SNTG1: variants seen among roughly 807,000 people sequenced by gnomAD.
SNTG1 encodes the protein gamma-1-syntrophin.
Under a neutral mutation model 74.7 loss-of-function variants are expected in SNTG1, and 39 were observed. The observed-to-expected ratio is 0.52, with a 90% CI of 0.40 to 0.68. SNTG1 has a LOEUF of 0.68. Ranked by LOEUF, SNTG1 falls within the 30% of genes least tolerant of loss-of-function variation. The pLI, the probability that SNTG1 is intolerant of heterozygous loss-of-function variation, is 0.00. For missense variants in SNTG1, 685 were observed against 609.5 expected (o/e 1.12, Z -1.30); for synonymous variants, 254 against 217.1 (o/e 1.17, Z -1.49).
intron 17 of SNTG1, among the ~76,000 whole-genome samples, chr8:50,715,275 C>T (rs2095472310): frequency 1.3e-5 from 2 of 152,148 alleles, no homozygotes; most frequent in Non-Finnish European, 2.9e-5. Context: ...AAATTTGACT[C>T]TTAAACATGG....
rs141902096 is a variant in SNTG1, at chr8:50,453,401, CTTGCTGGA to C, written c.363+2673_363+2680del. On this transcript the variant is annotated intron_variant, in intron 8 of 18. Coordinates refer to ENST00000642720, the MANE Select transcript of SNTG1 (RefSeq NM_018967.5). The stretch of plus-strand genomic sequence containing the variant: ...GCTTCACCACATCACCCACTGTATT[CTTGCTGGA>C]AGATTGTTAAGGAAGAGAAGCTCAC... Among the ~76,000 whole-genome samples, 1,267 of 152,218 alleles carry C rather than the reference CTTGCTGGA, an allele frequency of 8.3e-3. 18 individuals are homozygous for C. Among genetic ancestry groups the C allele is most frequent in the African/African-American group, 0.029 (1,206 of 41,524 alleles).
At chr8:50,471,321 T>C (rs2093652883) in intron 8 of SNTG1, among the ~76,000 whole-genome samples, 2 of 152,086 alleles carry the variant, frequency 1.3e-5, no homozygotes, top group Non-Finnish European at 2.9e-5. Context: ...TATGAGCTAA[T>C]ACCTTTGCGA....
At chr8:50,136,979 T>C (rs1432791335) in intron 1 of SNTG1, among the ~76,000 whole-genome samples, 1 of 151,980 alleles carries the variant, frequency 6.6e-6, no homozygotes, top group Non-Finnish European at 1.5e-5. Context: ...CCTAAAGCAT[T>C]TGTGGCCCTG....
chr8:50,526,661 A>T lies in SNTG1; in HGVS notation c.467-3516A>T, dbSNP rs74603705. 8.1e-3 allele frequency among the ~76,000 whole-genome samples: 515 copies of T among 63,720 alleles called. 2 individuals carry two copies. The highest frequency in any genetic ancestry group is 0.029 in the African/African-American group (371 of 12,722). 41.8% of individuals were successfully genotyped at this position (63,720 alleles called of 152,430 possible). A position where few individuals can be genotyped will look rare whatever the true frequency, so the allele number is the denominator to read the frequency against. ...TATATACACGCATATATATATATAT[A>T]TTTTTTTGAGATGGAGTCTCCCCCT... On this transcript the variant is annotated intron_variant, in intron 9 of 18. Coordinates refer to ENST00000642720, the MANE Select transcript of SNTG1 (RefSeq NM_018967.5).
At chr8:50,691,767 C>T (rs2095380864) in intron 15 of SNTG1, among the ~76,000 whole-genome samples, 1 of 152,124 alleles carries the variant, frequency 6.6e-6, no homozygotes, top group African/African-American at 2.4e-5. Context: ...GTTACATTCT[C>T]TGTATTTCCT....
chr8:49,995,198 A>T (rs986608166), intron 1 of SNTG1, among the ~76,000 whole-genome samples: 1 of 152,192 alleles, frequency 6.6e-6, no homozygotes, highest in Non-Finnish European at 1.5e-5. Context: ...TTCAACATTA[A>T]GATTGGCAAG....
rs145109370 is a variant in SNTG1 at position 50,739,618 on chromosome 8, T to A, written c.1285-12383T>A. On this transcript the variant is annotated intron_variant, in intron 17 of 18. Coordinates refer to ENST00000642720, the MANE Select transcript of SNTG1 (RefSeq NM_018967.5). ...TAGCATTACGAGAAAACAACATAGA[T>A]AATGGATTGTTGGGTGCAGCAAACC... Among the ~76,000 whole-genome samples the A allele has an allele frequency of 2.2e-3, 333 of 151,974 alleles. 2 individuals carry two copies. Among genetic ancestry groups the A allele is most frequent in the African/African-American group, 7.6e-3 (316 of 41,462 alleles).
intron 17 of SNTG1, among the ~76,000 whole-genome samples, chr8:50,715,166 C>T (rs936437790): frequency 3.9e-5 from 6 of 152,146 alleles, no homozygotes; most frequent in African/African-American, 1.4e-4. Context: ...TTTACTCCTC[C>T]TGCTGCAACT....
chr8:50,320,584 T>C (rs1259217745), intron 2 of SNTG1, among the ~76,000 whole-genome samples: 1 of 152,014 alleles, frequency 6.6e-6, no homozygotes, highest in Admixed American at 6.6e-5. Flanking sequence ...ACATTTCTAG[T>C]TCTTTAGGAT....
rs1036621093 is a variant in SNTG1 at position 50,438,593 on chromosome 8, C to T, written c.213C>T (p.Ser71=). The change falls in exon 5 of 19, where the codon AGC becomes AGT. Residue 71 remains serine (S), a synonymous_variant. Transcript: ENST00000642720. Reference sequence around the variant, plus strand: ...AAACAGTAGGAGGATTTGGATTAAGCATAAAGGTAGCCTGCCTTTCTAGTC... The same window carrying T: ...AAACAGTAGGAGGATTTGGATTAAGTATAAAGGTAGCCTGCCTTTCTAGTC... The part of the protein sequence containing the change: ...RRQTVGGFGL[S]IKGGAEHNIP... 2 of 1,612,858 alleles carry T rather than the reference C, an allele frequency of 1.2e-6. No homozygotes were observed. The highest frequency in any genetic ancestry group is 1.7e-6 in the Non-Finnish European group (2 of 1,179,284).
intron 2 of SNTG1, among the ~76,000 whole-genome samples, chr8:50,391,896 A>G (rs2092667076): frequency 1.3e-5 from 2 of 152,174 alleles, no homozygotes. Flanking sequence ...GAACATCAGA[A>G]TAATCCCAAT....
chr8:50,563,414 A>G (rs2094499012), intron 12 of SNTG1, among the ~76,000 whole-genome samples: 2 of 152,132 alleles, frequency 1.3e-5, no homozygotes, highest in African/African-American at 2.4e-5. Context: ...AAATTCTTAC[A>G]TGTTCCGTGG....
At chr8:50,459,177 G>A (rs2093536642) in intron 8 of SNTG1, among the ~76,000 whole-genome samples, 1 of 152,074 alleles carries the variant, frequency 6.6e-6, no homozygotes, top group African/African-American at 2.4e-5. Flanking sequence ...AAAATGAGTT[G>A]CCCTAAATGT....
chr8:50,286,625 G>T (rs2088801632), intron 2 of SNTG1: 1 of 152,122 alleles, frequency 6.6e-6, no homozygotes, highest in African/African-American at 2.4e-5. Context: ...CGGGTTGTCG[G>T]CTTCAACCCA....
chr8:49,948,236 T>C lies in SNTG1; in HGVS notation c.-103+36005T>C, dbSNP rs191290991. On this transcript the variant is annotated intron_variant, in intron 1 of 18. Coordinates refer to ENST00000642720, the MANE Select transcript of SNTG1 (RefSeq NM_018967.5). ...AAATTAAACTCCACAGAGACTGATA[T>C]TTTAATTATTTTAAAAATCTAACAT... Among the ~76,000 whole-genome samples the C allele has an allele frequency of 4.7e-4, 71 of 152,336 alleles. 1 individual carries two copies. Among genetic ancestry groups the C allele is most frequent in the African/African-American group, 1.4e-3 (58 of 41,574 alleles).
intron 1 of SNTG1, among the ~76,000 whole-genome samples, chr8:49,967,549 A>T (rs1385314): frequency 1.3e-5 from 2 of 151,636 alleles, no homozygotes; most frequent in African/African-American, 2.4e-5. Flanking sequence ...TTAATTTATT[A>T]TAATATATAA....
rs571085726 is a variant in SNTG1 at position 50,324,203 on chromosome 8, C to T, written c.-27-70009C>T. Among the ~76,000 whole-genome samples the T allele has an allele frequency of 1.6e-4, 25 of 152,304 alleles. No homozygotes were observed. In the South Asian group the frequency reaches 5.2e-3, roughly 32 times the overall value. On this transcript the variant is annotated intron_variant, in intron 2 of 18. Transcript: ENST00000642720. ...TAAATATTTTCCCTCCTTGTGCCGGCCCTGGCTAATCCCAATATGGTTTTA... is the reference window on the plus strand; with the variant it reads ...TAAATATTTTCCCTCCTTGTGCCGGTCCTGGCTAATCCCAATATGGTTTTA...
At chr8:50,357,854 G>C (rs1195508694) in intron 2 of SNTG1, among the ~76,000 whole-genome samples, 3 of 152,160 alleles carry the variant, frequency 2.0e-5, no homozygotes, top group Non-Finnish European at 4.4e-5. Context: ...AATGTCACCT[G>C]TAAATAACTG....
chr8:49,971,286 T>C (rs1377003910), intron 1 of SNTG1, among the ~76,000 whole-genome samples: 2 of 152,204 alleles, frequency 1.3e-5, no homozygotes, highest in South Asian at 2.1e-4. Flanking sequence ...TCTCAGTAGA[T>C]GCAGAAAAGG....
Sources: gnomAD v4.1 joint callset for allele counts (sites outside exome capture counted in the v4.1 genomes callset) on GRCh38, gnomAD v4.1.1 for gene constraint, MANE v1.5 for transcripts, NCBI Gene and HGNC (gene_info 2026-07-23, HGNC 2026-07-21) for gene names.